Variants in PPP1R16A observed in about 807,000 individuals in gnomAD.
The protein encoded by PPP1R16A is myosin phosphatase-targeting subunit 3.
PPP1R16A carries 39 observed loss-of-function variants against 46.6 expected under a neutral mutation model. The observed-to-expected ratio is 0.84, with a 90% CI of 0.65 to 1.09. The LOEUF is 1.09. Ranked by LOEUF, PPP1R16A falls within the 50% of genes least tolerant of loss-of-function variation. The probability of loss-of-function intolerance (pLI) is 0.00; values close to 1 mark genes in which losing one functional copy is unlikely to be tolerated. For synonymous variants in PPP1R16A, 413 were observed against 321.5 expected (o/e 1.28, Z -3.04); for missense variants, 798 against 735.6 (o/e 1.08, Z -0.98).
chr8:144,482,002 C>T (rs1393286847), intron 1 of PPP1R16A, among the ~76,000 whole-genome samples: 3 of 8,350 alleles, frequency 3.6e-4, no homozygotes, highest in Non-Finnish European at 1.3e-3. Flanking sequence ...TGGTCTCGAA[C>T]TCCTGACCTC....
intron 2 of PPP1R16A, among the ~76,000 whole-genome samples, chr8:144,495,218 T>C (rs948608930): frequency 4.6e-5 from 7 of 152,168 alleles, no homozygotes; most frequent in South Asian, 2.1e-4. Flanking sequence ...CCCAGATAAA[T>C]TGGGGGCCCC....
rs1166860441 is a variant in PPP1R16A at position 144,497,124 on chromosome 8, C to G, written c.-71C>G. The G allele has an allele frequency of 6.5e-7, 1 of 1,530,798 alleles. No homozygotes were observed. The highest frequency in any genetic ancestry group is 1.2e-5 in the South Asian group (1 of 83,692). The allele number at this position is 1,530,798 out of a possible 1,614,324, so 94.8% of individuals were successfully genotyped here. ...CAGTCCAGCTAGCTGCCCCACCCCT[C>G]AGGCCCAGCCTGGCCCCCAAGCTCC... On this transcript the variant is annotated 5_prime_UTR_variant, in exon 3 of 12. Transcript: ENST00000435887.
rs1046232244 is a variant in PPP1R16A, at chr8:144,484,274, A to G, written c.-913-5760A>G. Among the ~76,000 whole-genome samples the G allele has an allele frequency of 6.6e-5, 10 of 152,238 alleles. 1 individual carries two copies. Among genetic ancestry groups the G allele is most frequent in the Non-Finnish European group, 1.3e-4 (9 of 68,046 alleles). On this transcript the variant is annotated intron_variant, in intron 1 of 11. Coordinates refer to ENST00000435887, the MANE Select transcript of PPP1R16A (RefSeq NM_001329443.2). ...TGGGTTACAGCGCCGACCCCTCTGA[A>G]GCTCACTTTTGTGATTTTGGTTTCC... is the stretch of plus-strand genomic sequence containing the variant.
chr8:144,501,731 CACCT>C lies in PPP1R16A; in HGVS notation c.1416_1419del (p.Pro473ArgfsTer18). 6.3e-7 allele frequency: 1 copy of C among 1,585,376 alleles called. No homozygotes were observed. Among genetic ancestry groups the C allele is most frequent in the Non-Finnish European group, 8.6e-7 (1 of 1,166,948 alleles). On this transcript the variant is annotated frameshift_variant, in exon 12 of 12. Transcript: ENST00000435887. LOFTEE classifies it low-confidence loss of function (END_TRUNC). The stretch of plus-strand genomic sequence containing the variant: ...GCTGCTGCCAAGCTGCAGCGACCCC[CACCT>C]GAGGGGCCCGAGAGCCCTGAGACAG...
chr8:144,500,570 A>G lies in PPP1R16A; in HGVS notation c.789A>G (p.Gln263=). 1.3e-6 allele frequency: 2 copies of G among 1,598,482 alleles called. No individual in the cohort carries two copies. Among genetic ancestry groups the G allele is most frequent in the Non-Finnish European group, 1.7e-6 (2 of 1,179,164 alleles). The change falls in exon 8 of 12, where the codon CAA becomes CAG. Residue 263 remains glutamine (Q), a synonymous_variant. Coordinates refer to ENST00000435887, the MANE Select transcript of PPP1R16A (RefSeq NM_001329443.2). ...EHRASLSAKD[Q]DGWEPLHAAA... ...GAGCCAGCCTGAGCGCTAAGGACCAAGACGGCTGGGAGCCGCTGCACGCCG... is the reference window on the plus strand; with the variant it reads ...GAGCCAGCCTGAGCGCTAAGGACCAGGACGGCTGGGAGCCGCTGCACGCCG...
In PPP1R16A at chr8:144,493,950, G is replaced by T. The variant is rs994496733; in HGVS notation, c.-734-2511G>T. Among the ~76,000 whole-genome samples the T allele has an allele frequency of 2.0e-5, 3 of 152,120 alleles. No individual in the cohort carries two copies. Among genetic ancestry groups the T allele is most frequent in the Non-Finnish European group, 2.9e-5 (2 of 67,976 alleles). ...CCTCTGCAGCCAGGGGGACTGGGGG[G>T]GTTCCCACTGTCCAGCTGCTGTTCT... On this transcript the variant is annotated intron_variant, in intron 2 of 11. Coordinates refer to ENST00000435887, the MANE Select transcript of PPP1R16A (RefSeq NM_001329443.2). This position sits in a 1 kb window ranked among gnomAD's most constrained non-coding sequence, Gnocchi z 4.3.
intron 2 of PPP1R16A, chr8:144,496,144 G>A (rs2130439568): frequency 6.6e-6 from 1 of 152,386 alleles, no homozygotes; most frequent in South Asian, 2.1e-4. Context: ...GGCAGCGCCT[G>A]GCCCTGGAGG....
Position 144,501,969 on chromosome 8 carries a change from T to G in PPP1R16A, c.*66T>G. On this transcript the variant is annotated 3_prime_UTR_variant, in exon 12 of 12. Transcript: ENST00000435887. ...CCCAAGGCTGCCTCCCCACGGTGCG[T>G]GCCCTGGTGCTGCGGGTGCAGCACG... 1 of 1,430,778 alleles carries G rather than the reference T, an allele frequency of 7.0e-7. No homozygotes were observed. Among genetic ancestry groups the G allele is most frequent in the Non-Finnish European group, 9.2e-7 (1 of 1,090,210 alleles). The allele number at this position is 1,430,778 out of a possible 1,614,324, so 88.6% of individuals were successfully genotyped here.
intron 1 of PPP1R16A, among the ~76,000 whole-genome samples, chr8:144,486,630 A>T (rs979106300): frequency 3.9e-5 from 6 of 152,106 alleles, no homozygotes; most frequent in Admixed American, 3.3e-4. Flanking sequence ...CTTGTCACGG[A>T]CGCATTTGCC....
chr8:144,492,450 C>G (rs1315211168), intron 2 of PPP1R16A, among the ~76,000 whole-genome samples: 1 of 151,910 alleles, frequency 6.6e-6, no homozygotes, highest in Non-Finnish European at 1.5e-5. Flanking sequence ...ATTCTTCTGC[C>G]TCAGCCTCCC....
chr8:144,497,149 C>A lies in PPP1R16A; in HGVS notation c.-46C>A. ...CAGGCCCAGCCTGGCCCCCAAGCTC[C>A]CCACTCTGGTGCCCCGAGCAGCCCT... On this transcript the variant is annotated 5_prime_UTR_variant, in exon 3 of 12. Transcript: ENST00000435887. 1 of 1,539,628 alleles carries A rather than the reference C, an allele frequency of 6.5e-7. No individual in the cohort carries two copies. Among genetic ancestry groups the A allele is most frequent in the Non-Finnish European group, 8.7e-7 (1 of 1,146,538 alleles).
chr8:144,480,268 A>G (rs1007129657), intron 1 of PPP1R16A, among the ~76,000 whole-genome samples: 1 of 152,182 alleles, frequency 6.6e-6, no homozygotes, highest in Non-Finnish European at 1.5e-5. Flanking sequence ...TTTTACTGTG[A>G]AGGGCTAGGC....
chr8:144,489,298 T>TGG (rs1393332541), intron 1 of PPP1R16A, among the ~76,000 whole-genome samples: 1 of 41,584 alleles, frequency 2.4e-5, no homozygotes, highest in African/African-American at 1.1e-4. Context: ...GGGGTTGGTC[T>TGG]GAGGGGGGTT....
intron 9 of PPP1R16A, 31 bp downstream of exon 9, chr8:144,500,792 G>C (rs761914169): frequency 5.6e-6 from 9 of 1,606,666 alleles, no homozygotes; most frequent in Non-Finnish European, 7.6e-6. Flanking sequence ...TCCACCTGGG[G>C]GAGAGGACAG....
At chr8:144,479,828 ACG>A (rs1244246739) in intron 1 of PPP1R16A, among the ~76,000 whole-genome samples, 4 of 152,122 alleles carry the variant, frequency 2.6e-5, no homozygotes, top group Non-Finnish European at 5.9e-5. Flanking sequence ...GCACTGGTGC[ACG>A]CACACCTAAA....
chr8:144,500,421 G>A (rs780081552), intron 7 of PPP1R16A, 30 bp downstream of exon 7: 1 of 1,521,094 alleles, frequency 6.6e-7, no homozygotes. Context: ...GGGCACACGG[G>A]GCTGGGGGCC....
At chr8:144,482,347 C>T (rs567369549) in intron 1 of PPP1R16A, among the ~76,000 whole-genome samples, 11 of 152,274 alleles carry the variant, frequency 7.2e-5, no homozygotes, top group East Asian at 3.9e-4. Flanking sequence ...CATGAGCCAC[C>T]GCTCCTGGCC....
chr8:144,480,461 C>T (rs1303290980), intron 1 of PPP1R16A, among the ~76,000 whole-genome samples: 9 of 152,066 alleles, frequency 5.9e-5, no homozygotes, highest in African/African-American at 2.2e-4. Context: ...ATTACAGGCA[C>T]ATGCTACCAT....
In PPP1R16A at chr8:144,501,281, C is replaced by T. The variant is rs758071361; in HGVS notation, c.1190C>T (p.Pro397Leu). Reference protein sequence around the residue: ...DDRQTGAELRPPPPEEDNPEV... With the variant: ...DDRQTGAELRLPPPEEDNPEV... Reference sequence around the variant, plus strand: ...CGCCAGACAGGCGCAGAGCTCAGGCCGCCGCCCCCGGAGGTGAGCGCCCCG... The same window carrying T: ...CGCCAGACAGGCGCAGAGCTCAGGCTGCCGCCCCCGGAGGTGAGCGCCCCG... Residue 397 changes from proline (P) to leucine (L), a missense_variant, in exon 11 of 12, where the codon CCG becomes CTG. Physicochemically the swap from Pro to Leu is moderately conservative, Grantham distance 98. Transcript: ENST00000435887. 1.9e-5 allele frequency: 30 copies of T among 1,589,546 alleles called. No individual in the cohort carries two copies. In the South Asian group the frequency reaches 2.6e-4, roughly 14 times the overall value.
Sources: allele counts gnomAD v4.1 joint callset (sites outside exome capture counted in the v4.1 genomes callset), GRCh38; gene constraint gnomAD v4.1.1; non-coding constraint Gnocchi (gnomAD v3.1); transcripts MANE v1.5; gene names NCBI Gene and HGNC (gene_info 2026-07-23, HGNC 2026-07-21).